The following HAPLN1 variants were observed in gnomAD, a reference collection of about 807,000 sequenced individuals.
The protein encoded by HAPLN1 is Cartilage link protein.
A neutral mutation model predicts 36.5 loss-of-function variants in HAPLN1; 13 were observed. The ratio of observed to expected loss-of-function variants is 0.36; its 90% CI spans 0.23 to 0.57. The LOEUF (loss-of-function observed/expected upper bound fraction) is 0.57, where lower values mean the gene tolerates loss of function less well. Ranked by LOEUF, HAPLN1 falls within the 20% of genes least tolerant of loss-of-function variation. The pLI is 0.83. For missense variants in HAPLN1, 407 were observed against 439.7 expected, an observed-to-expected ratio of 0.93 and a Z score of 0.66; for synonymous variants, 202 against 169.8, an observed-to-expected ratio of 1.19 and a Z score of -1.48.
At chr5:83,655,932 C>T (rs142794350) in intron 2 of HAPLN1, among the ~76,000 whole-genome samples, 32 of 152,210 alleles carry the variant, frequency 2.1e-4, no homozygotes, top group African/African-American at 7.2e-4. Flanking sequence ...GAACCACAGG[C>T]GTTGATTACA....
intron 2 of HAPLN1, among the ~76,000 whole-genome samples, chr5:83,668,369 G>T (rs550924138): frequency 6.6e-6 from 1 of 152,280 alleles, no homozygotes; most frequent in South Asian, 2.1e-4. Flanking sequence ...AGTAAAGGAA[G>T]GGGTTAACTA....
intron 1 of HAPLN1, among the ~76,000 whole-genome samples, chr5:83,712,028 T>C (rs1751796161): frequency 6.6e-6 from 1 of 152,170 alleles, no homozygotes; most frequent in African/African-American, 2.4e-5. Flanking sequence ...ACTCAGAAAA[T>C]ATTTGCATTA....
intron 3 of HAPLN1, among the ~76,000 whole-genome samples, chr5:83,649,305 G>A (rs1348737313): frequency 1.3e-5 from 2 of 152,120 alleles, no homozygotes; most frequent in Non-Finnish European, 1.5e-5. Flanking sequence ...CTGGAATGCT[G>A]TCGGTGGTAT....
chr5:83,688,642 CTTTTTTTTTTTTTTTTT>C (rs539790396), intron 1 of HAPLN1, among the ~76,000 whole-genome samples: 6 of 80,560 alleles, frequency 7.4e-5, no homozygotes, highest in African/African-American at 2.6e-4. Flanking sequence ...GCTTTTGATT[CTTTTTTTTTTTTTTTTT>C]TTTTTTTTTT....
intron 1 of HAPLN1, among the ~76,000 whole-genome samples, chr5:83,718,299 A>G (rs987587840): frequency 6.6e-6 from 1 of 152,160 alleles, no homozygotes; most frequent in African/African-American, 2.4e-5. Context: ...ACCTATCCCA[A>G]TGTCTGGCGT....
At chr5:83,669,485 C>A (rs888965987) in intron 2 of HAPLN1, among the ~76,000 whole-genome samples, 21 of 151,838 alleles carry the variant, frequency 1.4e-4, no homozygotes, top group Admixed American at 1.4e-3. Flanking sequence ...GGCGAGAGAG[C>A]AAGACTCCGT....
intron 1 of HAPLN1, among the ~76,000 whole-genome samples, chr5:83,690,255 T>C (rs1477445431): frequency 2.0e-5 from 3 of 152,106 alleles, no homozygotes; most frequent in Admixed American, 2.0e-4. Flanking sequence ...TAATTTCTGA[T>C]ACCTTTTTCA....
Position 83,644,624 on chromosome 5 carries a change from G to A in HAPLN1, c.514C>T (p.Leu172Phe). 1 of 1,505,560 alleles carries A rather than the reference G, an allele frequency of 6.6e-7. No individual in the cohort carries two copies. The highest frequency in any genetic ancestry group is 8.9e-7 in the Non-Finnish European group (1 of 1,124,338). 93.3% of individuals were successfully genotyped at this position (1,505,560 alleles called of 1,614,324 possible). A position where few individuals can be genotyped will look rare whatever the true frequency, so the allele number is the denominator to read the frequency against. ...GCCTGCTGCGCCTCGTGAAAATTGA[G>A]ATTGTAGCGCCCCAGTCGTGGAAAG... is the stretch of plus-strand genomic sequence containing the variant. ...PYFPRLGRYN[L>F]NFHEAQQACL... The change falls in exon 4 of 5, where the codon CTC becomes TTC. Residue 172 changes from leucine (L) to phenylalanine (F), a missense_variant. Physicochemically the swap from Leu to Phe is conservative, Grantham distance 22. Transcript: ENST00000274341.
At chr5:83,654,383 T>C (rs1750156904) in intron 2 of HAPLN1, among the ~76,000 whole-genome samples, 1 of 152,234 alleles carries the variant, frequency 6.6e-6, no homozygotes, top group Non-Finnish European at 1.5e-5. Flanking sequence ...GATCTCATTA[T>C]TTAGGACCAT....
intron 1 of HAPLN1, among the ~76,000 whole-genome samples, chr5:83,679,120 G>A (rs1419294331): frequency 6.6e-6 from 1 of 152,214 alleles, no homozygotes; most frequent in Non-Finnish European, 1.5e-5. Context: ...GCTTGCCAAT[G>A]CCTGCAGTTA....
chr5:83,710,349 C>G (rs1751751631), intron 1 of HAPLN1, among the ~76,000 whole-genome samples: 1 of 152,038 alleles, frequency 6.6e-6, no homozygotes, highest in Non-Finnish European at 1.5e-5. Context: ...AATGACGCCA[C>G]AAAGCCCAAG....
In HAPLN1 at chr5:83,644,646, A is replaced by T; in HGVS notation, c.492T>A (p.Phe164Leu). The T allele has an allele frequency of 6.8e-7, 1 of 1,475,090 alleles. No homozygotes were observed. The allele number at this position is 1,475,090 out of a possible 1,614,324, so 91.4% of individuals were successfully genotyped here. The change falls in exon 4 of 5, where the codon TTT becomes TTA. Residue 164 changes from phenylalanine to leucine, a missense_variant. Coordinates refer to ENST00000274341, the MANE Select transcript of HAPLN1 (RefSeq NM_001884.4). ...LDLQGVVFPY[F>L]PRLGRYNLNF... is the part of the protein sequence containing the mutation. ...TGAGATTGTAGCGCCCCAGTCGTGG[A>T]AAGTAAGGGAATACCACACCTGTCC... is the stretch of plus-strand genomic sequence containing the variant.
chr5:83,638,500 G>T lies in HAPLN1; in HGVS notation c.*2996C>A, dbSNP rs1183063833. The T allele has an allele frequency of 6.6e-6, 1 of 151,994 alleles. No individual in the cohort carries two copies. The highest frequency in any genetic ancestry group is 1.5e-5 in the Non-Finnish European group (1 of 67,910). The allele number at this position is 151,994 out of a possible 1,614,324, so 9.4% of individuals were successfully genotyped here. ...CTTAATGCATCCTATGCTAAAAACTGATAAGTGATTCCCTTTTAATCCTCC... is the reference window on the plus strand; with the variant it reads ...CTTAATGCATCCTATGCTAAAAACTTATAAGTGATTCCCTTTTAATCCTCC... On this transcript the variant is annotated 3_prime_UTR_variant, in exon 5 of 5. Coordinates refer to ENST00000274341, the MANE Select transcript of HAPLN1 (RefSeq NM_001884.4).
chr5:83,643,019 G>C (rs1273416161), intron 4 of HAPLN1, among the ~76,000 whole-genome samples: 1 of 151,960 alleles, frequency 6.6e-6, no homozygotes, highest in African/African-American at 2.4e-5. Flanking sequence ...TTACTATATG[G>C]CCCTTTACAG....
At chr5:83,645,375 C>A (rs1749828613) in intron 3 of HAPLN1, among the ~76,000 whole-genome samples, 1 of 152,058 alleles carries the variant, frequency 6.6e-6, no homozygotes, top group East Asian at 1.9e-4. Context: ...CCATGAGCCA[C>A]ATGTGGCCCA....
intron 1 of HAPLN1, chr5:83,673,853 G>C: frequency 4.0e-6 from 1 of 249,876 alleles, no homozygotes; most frequent in South Asian, 5.8e-5. Flanking sequence ...AAGAGATGTG[G>C]CAAAAACATA....
intron 2 of HAPLN1, among the ~76,000 whole-genome samples, chr5:83,672,935 T>C (rs549591465): frequency 6.6e-6 from 1 of 152,300 alleles, no homozygotes; most frequent in African/African-American, 2.4e-5. Context: ...GGGCAATGTA[T>C]TGGTCTATAG....
chr5:83,715,343 G>T (rs1751893674), intron 1 of HAPLN1, among the ~76,000 whole-genome samples: 1 of 152,146 alleles, frequency 6.6e-6, no homozygotes, highest in South Asian at 2.1e-4. Flanking sequence ...AGATCCTCTG[G>T]GATGCAGGGG....
intron 3 of HAPLN1, among the ~76,000 whole-genome samples, chr5:83,646,208 C>T (rs1749873540): frequency 6.6e-6 from 1 of 152,184 alleles, no homozygotes; most frequent in African/African-American, 2.4e-5. Context: ...AAGTATTTCT[C>T]CCATGGTTAT....
Sources: allele counts gnomAD v4.1 joint callset (sites outside exome capture counted in the v4.1 genomes callset), GRCh38; gene constraint gnomAD v4.1.1; transcripts MANE v1.5; gene names NCBI Gene and HGNC (gene_info 2026-07-23, HGNC 2026-07-21).